Variants in PLEKHA1 observed in about 807,000 individuals in gnomAD.
PLEKHA1 encodes the protein pleckstrin homology domain containing A1, also known as pleckstrin homology domain-containing family A member 1.
PLEKHA1 carries 34 observed loss-of-function variants against 52.0 expected under a neutral mutation model. The observed-to-expected ratio is 0.65, with a 90% CI of 0.50 to 0.87. The LOEUF is 0.87. Ranked by LOEUF, PLEKHA1 falls within the 40% of genes least tolerant of loss-of-function variation. The pLI is 0.00. For synonymous variants in PLEKHA1, 163 were observed against 170.7 expected (o/e 0.95, Z 0.35); for missense variants, 497 against 504.2 (o/e 0.99, Z 0.14).
downstream of PLEKHA1, chr10:122,433,356 A>G (rs2097426959): frequency 6.6e-6 from 1 of 152,288 alleles, no homozygotes; most frequent in Non-Finnish European, 1.5e-5. Context: ...TGCCTGGCCC[A>G]TGGGGCACGT....
At chr10:122,383,363 A>G (rs2096643693) in intron 1 of PLEKHA1, among the ~76,000 whole-genome samples, 1 of 132,090 alleles carries the variant, frequency 7.6e-6, no homozygotes, top group Non-Finnish European at 1.5e-5. Context: ...TCTATTGCCC[A>G]GGCTGGAGTA....
chr10:122,400,280 A>G, intron 3 of PLEKHA1, 63 bp from the exon 4 acceptor site: 1 of 1,332,224 alleles, frequency 7.5e-7, no homozygotes, highest in Non-Finnish European at 1.0e-6. Flanking sequence ...TTTACATAGT[A>G]TATAAGGTTG....
At chr10:122,398,918 A>C (rs1021632709) in intron 3 of PLEKHA1, among the ~76,000 whole-genome samples, 2 of 152,170 alleles carry the variant, frequency 1.3e-5, no homozygotes, top group African/African-American at 4.8e-5. Context: ...AAAAGGAAAC[A>C]TTTTTCTGTT....
rs538861544 is a variant in PLEKHA1 at position 122,432,201 on chromosome 10, T to C, written c.*2263T>C. On this transcript the variant is annotated 3_prime_UTR_variant, in exon 12 of 12. Transcript: ENST00000368990. ...AAATTACTTTGAATACCTTAATATT[T>C]GCTGCATTTTTTTCCGTATATATAA... The C allele has an allele frequency of 3.0e-4, 46 of 152,368 alleles. No individual in the cohort carries two copies. Among genetic ancestry groups the C allele is most frequent in the Admixed American group, 9.1e-4 (14 of 15,308 alleles). The allele number at this position is 152,368 out of a possible 1,614,324, so 9.4% of individuals were successfully genotyped here. A position where few individuals can be genotyped will look rare whatever the true frequency, so the allele number is the denominator to read the frequency against.
intron 1 of PLEKHA1, chr10:122,392,275 ACTT>A (rs2096786867): frequency 6.6e-6 from 1 of 151,858 alleles, no homozygotes; most frequent in Non-Finnish European, 1.5e-5. Context: ...TGCTAAAGAA[ACTT>A]TTTTTTTTCC....
intron 1 of PLEKHA1, among the ~76,000 whole-genome samples, chr10:122,385,432 C>T (rs2096677339): frequency 6.6e-6 from 1 of 151,044 alleles, no homozygotes. Context: ...ATTCTCCTGC[C>T]TCAGCCTCCT....
At chr10:122,375,999 A>G (rs2096529171) in intron 1 of PLEKHA1, among the ~76,000 whole-genome samples, 1 of 152,144 alleles carries the variant, frequency 6.6e-6, no homozygotes, top group South Asian at 2.1e-4. Context: ...ATTGTCTTTC[A>G]TCTTAGAACT....
intron 8 of PLEKHA1, chr10:122,421,741 T>A (rs2097262752): frequency 6.6e-6 from 1 of 152,108 alleles, no homozygotes; most frequent in Non-Finnish European, 1.5e-5. Context: ...TTAAAATATT[T>A]AAAAAAATTC....
intron 9 of PLEKHA1, 80 bp downstream of exon 9, chr10:122,424,343 G>A (rs574755045): frequency 1.3e-4 from 178 of 1,419,796 alleles, no homozygotes; most frequent in Non-Finnish European, 1.3e-4. Flanking sequence ...TGTACTTACA[G>A]ATTACATTTT....
chr10:122,417,339 A>AG (rs1206754013), intron 7 of PLEKHA1, among the ~76,000 whole-genome samples: 3 of 151,868 alleles, frequency 2.0e-5, no homozygotes, highest in Non-Finnish European at 4.4e-5. Flanking sequence ...AAAAAAAAAA[A>AG]AAGTTTCAAC....
downstream of PLEKHA1, chr10:122,435,219 A>G (rs1184911466): frequency 6.6e-6 from 1 of 152,198 alleles, no homozygotes; most frequent in Non-Finnish European, 1.5e-5. Flanking sequence ...ACCAGATCTC[A>G]GTGTTCAGAA....
intron 1 of PLEKHA1, among the ~76,000 whole-genome samples, chr10:122,391,989 T>A (rs770761549): frequency 2.0e-5 from 3 of 152,190 alleles, no homozygotes; most frequent in Admixed American, 2.0e-4. Context: ...TAAATAGTTA[T>A]GTAAATTCAT....
chr10:122,401,934 A>G (rs1336258648), intron 4 of PLEKHA1, among the ~76,000 whole-genome samples: 1 of 152,202 alleles, frequency 6.6e-6, no homozygotes, highest in African/African-American at 2.4e-5. Context: ...AGCAAGATGA[A>G]ACGTGGCTGT....
intron 1 of PLEKHA1, among the ~76,000 whole-genome samples, chr10:122,382,517 G>C (rs1330880659): frequency 6.6e-6 from 1 of 152,198 alleles, no homozygotes; most frequent in Non-Finnish European, 1.5e-5. Flanking sequence ...TAACAAAACT[G>C]TGGGGTGATA....
chr10:122,377,995 C>G (rs2133513001), intron 1 of PLEKHA1, among the ~76,000 whole-genome samples: 1 of 152,242 alleles, frequency 6.6e-6, no homozygotes, highest in Non-Finnish European at 1.5e-5. Context: ...GAACTCTTAC[C>G]AGGCTTGTCA....
At chr10:122,418,212 C>T (rs755386485) in intron 8 of PLEKHA1, 6 of 367,002 alleles carry the variant, frequency 1.6e-5, no homozygotes, top group Non-Finnish European at 3.0e-5. Context: ...TCTCAGAATC[C>T]TCTAGTCTAT....
chr10:122,398,325 TA>T (rs1174899622), intron 3 of PLEKHA1, among the ~76,000 whole-genome samples: 1 of 147,834 alleles, frequency 6.8e-6, no homozygotes, highest in Non-Finnish European at 1.5e-5. Context: ...TTTCAACTTT[TA>T]AATCCCATTG....
chr10:122,379,475 G>A (rs2096585054), intron 1 of PLEKHA1, among the ~76,000 whole-genome samples: 1 of 152,222 alleles, frequency 6.6e-6, no homozygotes, highest in Non-Finnish European at 1.5e-5. Context: ...TGTGGAACTG[G>A]AGAATGGGAT....
Position 122,393,465 on chromosome 10 carries a change from C to G in PLEKHA1, c.141+124C>G. 1.1e-6 allele frequency: 1 copy of G among 916,178 alleles called. No homozygotes were observed. The highest frequency in any genetic ancestry group is 1.5e-6 in the Non-Finnish European group (1 of 663,256). 56.8% of individuals were successfully genotyped at this position (916,178 alleles called of 1,614,324 possible). On this transcript the variant is annotated intron_variant, in intron 2 of 11. Transcript: ENST00000368990. The surrounding 1 kb of genome is among the most constrained non-coding windows in gnomAD (Gnocchi z 4.5). ...ATATTTTTAGATTTATTTCTACTGGCTGTCCTCTCTGCCCTGCACCCCTGA... is the reference window on the plus strand; with the variant it reads ...ATATTTTTAGATTTATTTCTACTGGGTGTCCTCTCTGCCCTGCACCCCTGA...
Sources: allele counts gnomAD v4.1 joint callset (sites outside exome capture counted in the v4.1 genomes callset), GRCh38; gene constraint gnomAD v4.1.1; non-coding constraint Gnocchi (gnomAD v3.1); transcripts MANE v1.5; gene names NCBI Gene and HGNC (gene_info 2026-07-23, HGNC 2026-07-21).